CELF2: variants seen among roughly 807,000 people sequenced by gnomAD.
CELF2 encodes the protein CUG triplet repeat RNA-binding protein 2.
A neutral mutation model predicts 62.6 loss-of-function variants in CELF2; 8 were observed. The observed-to-expected ratio is 0.13, with a 90% CI of 0.07 to 0.23. The LOEUF (loss-of-function observed/expected upper bound fraction) is 0.23, where lower values mean the gene tolerates loss of function less well. Among genes scored for constraint, CELF2 ranks in the 10% least tolerant of loss-of-function variants. The pLI, the probability that CELF2 is intolerant of heterozygous loss-of-function variation, is 1.00. For synonymous variants in CELF2, 258 were observed against 250.0 expected (o/e 1.03, Z -0.30); for missense variants, 333 against 671.0 (o/e 0.50, Z 5.56).
chr10:10,492,989 C>T, the CELF2 span, among the ~76,000 whole-genome samples: 61,151 of 152,040 alleles, frequency 0.4, 12,412 homozygotes, highest in Admixed American at 0.46. Flanking sequence ...TGTGAGGCCT[C>T]CCCACCCATG....
intron 1 of CELF2, among the ~76,000 whole-genome samples, chr10:10,872,389 T>A (rs1466494048): frequency 1.3e-5 from 2 of 152,222 alleles, no homozygotes; most frequent in Admixed American, 1.3e-4. Context: ...AAAAAATCAG[T>A]CACTGCTGAA....
At chr10:10,717,058 A>G in the CELF2 span, among the ~76,000 whole-genome samples, 3 of 152,202 alleles carry the variant, frequency 2.0e-5, no homozygotes. Context: ...TCTGTACCAA[A>G]GGTAGTAGCA....
chr10:11,320,163 G>A (rs2095347720), intron 10 of CELF2, among the ~76,000 whole-genome samples: 1 of 152,176 alleles, frequency 6.6e-6, no homozygotes, highest in Non-Finnish European at 1.5e-5. Flanking sequence ...TTCCTGAGTT[G>A]ATATGAAAGT....
chr10:10,853,040 G>A (rs557785426), intron 1 of CELF2, among the ~76,000 whole-genome samples: 2 of 152,192 alleles, frequency 1.3e-5, no homozygotes, highest in African/African-American at 4.8e-5. Context: ...GTGCAGTGGT[G>A]CAGTCTTGGC....
intron 2 of CELF2, among the ~76,000 whole-genome samples, chr10:11,200,061 G>A (rs1477526183): frequency 1.3e-5 from 2 of 152,144 alleles, no homozygotes; most frequent in East Asian, 3.8e-4. Flanking sequence ...TTCTAGTTGT[G>A]GTTGAGAATG....
chr10:10,690,650 T>G, the CELF2 span, among the ~76,000 whole-genome samples: 1 of 152,004 alleles, frequency 6.6e-6, no homozygotes, highest in Admixed American at 6.6e-5. Flanking sequence ...GAGGCTGAGG[T>G]GGGCAGATCA....
chr10:11,150,153 T>C (rs553051206), intron 1 of CELF2, among the ~76,000 whole-genome samples: 1 of 152,370 alleles, frequency 6.6e-6, no homozygotes, highest in Non-Finnish European at 1.5e-5. Context: ...CACAAGTCTT[T>C]CCAAGTAGTT....
intron 1 of CELF2, among the ~76,000 whole-genome samples, chr10:11,092,876 G>C (rs979872681): frequency 6.6e-6 from 1 of 152,194 alleles, no homozygotes; most frequent in African/African-American, 2.4e-5. Flanking sequence ...CCACAGCTGA[G>C]TGAATCCATC....
the CELF2 span, among the ~76,000 whole-genome samples, chr10:10,705,800 T>A: frequency 6.6e-6 from 1 of 152,336 alleles, no homozygotes; most frequent in Non-Finnish European, 1.5e-5. Context: ...CCCATTCACC[T>A]GTAGAAGTCT....
At chr10:11,257,679 T>C (rs890429737) in intron 4 of CELF2, 59 bp from the exon 5 acceptor site, 2 of 1,589,252 alleles carry the variant, frequency 1.3e-6, no homozygotes, top group African/African-American at 2.7e-5. Flanking sequence ...TAATGAAGCA[T>C]TGATTACAAG....
intron 8 of CELF2, among the ~76,000 whole-genome samples, chr10:11,278,344 A>G (rs978224773): frequency 6.6e-6 from 1 of 152,178 alleles, no homozygotes; most frequent in Non-Finnish European, 1.5e-5. Flanking sequence ...CGGCTTTTAT[A>G]TCTACTTTTT....
intron 1 of CELF2, among the ~76,000 whole-genome samples, chr10:11,040,601 G>A (rs573977987): frequency 1.3e-5 from 2 of 152,102 alleles, no homozygotes; most frequent in Admixed American, 6.5e-5. Context: ...TTTTGTTGTT[G>A]TTCCTTGGTT....
chr10:10,943,764 T>C (rs888440733), intron 2 of CELF2, among the ~76,000 whole-genome samples: 2 of 129,778 alleles, frequency 1.5e-5, no homozygotes, highest in Admixed American at 1.6e-4. Flanking sequence ...ACTCCCAGCT[T>C]TTTTTTTGTT....
intron 2 of CELF2, among the ~76,000 whole-genome samples, chr10:10,924,723 G>GTTTTTTTTTTTTT: frequency 4.1e-5 from 1 of 24,514 alleles, no homozygotes; most frequent in Non-Finnish European, 6.8e-5. Context: ...TAACTTGATC[G>GTTTTTTTTTTTTT]CTTTTTTTTT....
the CELF2 span, among the ~76,000 whole-genome samples, chr10:10,513,402 T>C: frequency 6.6e-6 from 1 of 152,182 alleles, no homozygotes; most frequent in Non-Finnish European, 1.5e-5. Context: ...ATTTCCTTCT[T>C]TGATTTTCTA....
the CELF2 span, among the ~76,000 whole-genome samples, chr10:10,624,297 C>G: frequency 6.6e-6 from 1 of 152,196 alleles, no homozygotes; most frequent in Non-Finnish European, 1.5e-5. Flanking sequence ...CAGTCCTCAA[C>G]TAGAAATGCC....
intron 3 of CELF2, among the ~76,000 whole-genome samples, chr10:11,229,046 C>T (rs1248353697): frequency 6.6e-6 from 1 of 152,150 alleles, no homozygotes; most frequent in Non-Finnish European, 1.5e-5. Context: ...GTCCAAGCTC[C>T]TCACTTGATA....
At chr10:10,623,594 C>G in the CELF2 span, among the ~76,000 whole-genome samples, 1 of 152,074 alleles carries the variant, frequency 6.6e-6, no homozygotes, top group Non-Finnish European at 1.5e-5. Context: ...TTAGTAGCTT[C>G]CAGTACTTAG....
At chr10:11,035,229 A>C (rs1309484592) in intron 1 of CELF2, among the ~76,000 whole-genome samples, 1 of 152,204 alleles carries the variant, frequency 6.6e-6, no homozygotes, top group Non-Finnish European at 1.5e-5. Context: ...CCTTTCTCCA[A>C]GCCGTCTTCT....
Sources: gnomAD v4.1 joint callset for allele counts (sites outside exome capture counted in the v4.1 genomes callset) on GRCh38, gnomAD v4.1.1 for gene constraint, MANE v1.5 for transcripts, NCBI Gene and HGNC (gene_info 2026-07-23, HGNC 2026-07-21) for gene names.